The following TENM2 variants were observed in gnomAD, a reference collection of about 807,000 sequenced individuals.
The protein encoded by TENM2 is teneurin-2.
TENM2 carries 52 observed loss-of-function variants against 245.2 expected under a neutral mutation model. The observed-to-expected ratio is 0.21, with a 90% CI of 0.17 to 0.27. The LOEUF (loss-of-function observed/expected upper bound fraction) is 0.27, where lower values mean the gene tolerates loss of function less well. Ranked by LOEUF, TENM2 falls within the 10% of genes least tolerant of loss-of-function variation. The pLI, the probability that TENM2 is intolerant of heterozygous loss-of-function variation, is 1.00. For synonymous variants in TENM2, 1,363 were observed against 1,438.9 expected (o/e 0.95, Z 1.19); for missense variants, 3,046 against 3,666.8 (o/e 0.83, Z 4.37).
At chr5:167,280,001 A>T (rs558621106), upstream of TENM2, among the ~76,000 whole-genome samples, 2 of 152,176 alleles carry the variant, frequency 1.3e-5, no homozygotes, top group East Asian at 3.9e-4. Context: ...ATGTTATGAG[A>T]CTCTGGCTCT....
At position 167,900,184 on chromosome 5, in the gene TENM2, T is replaced by C. The variant is rs550140628; in HGVS notation, c.712+23989T>C. Among the ~76,000 whole-genome samples the C allele has an allele frequency of 5.4e-5, 8 of 148,374 alleles. No individual in the cohort carries two copies. The South Asian group carries it at 1.3e-3, about 24-fold the overall frequency. On this transcript the variant is annotated intron_variant, in intron 3 of 28. Transcript: ENST00000518659. ...GGAATGATATCTTTCTCCGGAAACA[T>C]TGCACTGAGGCAAACGTTTTCCCTT...
chr5:167,657,302 T>C (rs1295071140), intron 2 of TENM2, among the ~76,000 whole-genome samples: 1 of 152,244 alleles, frequency 6.6e-6, no homozygotes, highest in East Asian at 1.9e-4. Flanking sequence ...TTGCCATGAA[T>C]GGCAGGATTT....
At chr5:167,524,035 A>C (rs764743207) in intron 2 of TENM2, among the ~76,000 whole-genome samples, 2 of 152,164 alleles carry the variant, frequency 1.3e-5, no homozygotes, top group Non-Finnish European at 2.9e-5. Context: ...TATTCATCTC[A>C]GTTAGCCTAT....
At chr5:168,250,043 G>A (rs1252291336) in intron 27 of TENM2, among the ~76,000 whole-genome samples, 1 of 152,128 alleles carries the variant, frequency 6.6e-6, no homozygotes, top group East Asian at 1.9e-4. Flanking sequence ...AATCAGGATG[G>A]CTGGATGGTT....
At chr5:167,734,474 T>C (rs1561718744) in intron 2 of TENM2, among the ~76,000 whole-genome samples, 1 of 148,430 alleles carries the variant, frequency 6.7e-6, no homozygotes, top group Non-Finnish European at 1.5e-5. Flanking sequence ...TATAATCATA[T>C]ATAATATATG....
chr5:167,706,217 T>C (rs1406698818), intron 2 of TENM2, among the ~76,000 whole-genome samples: 3 of 146,096 alleles, frequency 2.1e-5, no homozygotes, highest in African/African-American at 7.5e-5. Flanking sequence ...ATATAGTATG[T>C]AAAAATATAT....
At chr5:168,146,319 T>C (rs886545424) in intron 12 of TENM2, among the ~76,000 whole-genome samples, 3 of 152,094 alleles carry the variant, frequency 2.0e-5, no homozygotes, top group Non-Finnish European at 4.4e-5. Flanking sequence ...TAAAAAGGTT[T>C]CTAGGATGGG....
chr5:167,270,908 A>G, the TENM2 span, among the ~76,000 whole-genome samples: 3 of 152,284 alleles, frequency 2.0e-5, no homozygotes, highest in Non-Finnish European at 4.4e-5. Flanking sequence ...ACAGCTAAGA[A>G]CATCTGTGTT....
At chr5:167,388,057 C>G (rs1477284462) in intron 2 of TENM2, among the ~76,000 whole-genome samples, 4 of 152,078 alleles carry the variant, frequency 2.6e-5, no homozygotes, top group African/African-American at 9.7e-5. Context: ...AGGTTTCCCT[C>G]TTTCTGTATC....
chr5:167,544,606 C>A (rs1021167192), intron 2 of TENM2, among the ~76,000 whole-genome samples: 61 of 152,200 alleles, frequency 4.0e-4, no homozygotes, highest in African/African-American at 1.5e-3. Flanking sequence ...GAGTTTTTGT[C>A]TAGCTATATT....
chr5:167,001,644 C>A, the TENM2 span, among the ~76,000 whole-genome samples: 1 of 151,816 alleles, frequency 6.6e-6, no homozygotes, highest in Non-Finnish European at 1.5e-5. Flanking sequence ...TAGGCTTTTG[C>A]AAAGCAGGTT....
intron 2 of TENM2, among the ~76,000 whole-genome samples, chr5:167,765,509 T>C (rs912116874): frequency 6.6e-6 from 1 of 152,194 alleles, no homozygotes; most frequent in Non-Finnish European, 1.5e-5. Flanking sequence ...ATCAGTCTCT[T>C]GTATGATCTT....
chr5:167,165,880 T>A, the TENM2 span, among the ~76,000 whole-genome samples: 2 of 152,178 alleles, frequency 1.3e-5, no homozygotes, highest in African/African-American at 4.8e-5. Context: ...TTGGGAGGAC[T>A]GGGAAATTGT....
intron 2 of TENM2, among the ~76,000 whole-genome samples, chr5:167,769,447 T>G (rs568612614): frequency 6.6e-6 from 1 of 152,330 alleles, no homozygotes; most frequent in East Asian, 1.9e-4. Context: ...TTCTGTATGT[T>G]AACATCACAG....
At chr5:167,105,314 A>G in the TENM2 span, among the ~76,000 whole-genome samples, 2 of 152,136 alleles carry the variant, frequency 1.3e-5, no homozygotes. Context: ...TTATTGTGTG[A>G]TATTATCACC....
intron 4 of TENM2, among the ~76,000 whole-genome samples, chr5:167,954,320 T>TG (rs1780366187): frequency 6.6e-6 from 1 of 152,098 alleles, no homozygotes; most frequent in Non-Finnish European, 1.5e-5. Flanking sequence ...TCAAGACAAT[T>TG]GGGGTAATTT....
intron 5 of TENM2, among the ~76,000 whole-genome samples, chr5:168,032,481 G>A (rs1289902335): frequency 2.0e-5 from 3 of 152,160 alleles, no homozygotes; most frequent in Non-Finnish European, 4.4e-5. Flanking sequence ...TAGGGCAGGG[G>A]AGGAGGTTAG....
At chr5:168,052,102 A>G (rs1446573165) in intron 6 of TENM2, among the ~76,000 whole-genome samples, 1 of 150,868 alleles carries the variant, frequency 6.6e-6, no homozygotes, top group African/African-American at 2.4e-5. Context: ...CCTATTTTTA[A>G]AAATATAAAA....
chr5:167,066,825 T>C, the TENM2 span, among the ~76,000 whole-genome samples: 1 of 152,112 alleles, frequency 6.6e-6, no homozygotes, highest in Admixed American at 6.6e-5. Flanking sequence ...GACCTACAGG[T>C]TTCTGCTTAT....
Sources: allele counts gnomAD v4.1 joint callset (sites outside exome capture counted in the v4.1 genomes callset), GRCh38; gene constraint gnomAD v4.1.1; transcripts MANE v1.5; gene names NCBI Gene and HGNC (gene_info 2026-07-23, HGNC 2026-07-21).